Variants in ZNF431 observed in about 807,000 individuals in gnomAD.
ZNF431 encodes the protein zinc finger protein 431.
Under a neutral mutation model 57.0 loss-of-function variants are expected in ZNF431, and 34 were observed. The ratio of observed to expected loss-of-function variants is 0.60; its 90% CI spans 0.45 to 0.79. ZNF431 has a LOEUF of 0.79. ZNF431 is among the 30% of genes least tolerant of loss of function. ZNF431 has a pLI of 0.00. For missense variants in ZNF431, 607 were observed against 667.1 expected (o/e 0.91, Z 0.99); for synonymous variants, 207 against 220.3 (o/e 0.94, Z 0.54).
At chr19:21,175,444 A>C (rs1185418221) in intron 4 of ZNF431, 1 of 696,638 alleles carries the variant, frequency 1.4e-6, no homozygotes, top group East Asian at 2.7e-5. Flanking sequence ...ATTTAATTTT[A>C]TGTTCCAGGA....
chr19:21,173,181 A>G (rs1035808752), intron 4 of ZNF431, among the ~76,000 whole-genome samples: 1 of 152,144 alleles, frequency 6.6e-6, no homozygotes, highest in African/African-American at 2.4e-5. Flanking sequence ...TGATGTGTTT[A>G]TAAATTAAGA....
chr19:21,175,290 A>C (rs1173525515), intron 4 of ZNF431, among the ~76,000 whole-genome samples: 1 of 152,066 alleles, frequency 6.6e-6, no homozygotes, highest in African/African-American at 2.4e-5. Context: ...TCCTGAGTTA[A>C]AGTGATCAGC....
At chr19:21,170,976 C>T (rs993427180) in intron 4 of ZNF431, among the ~76,000 whole-genome samples, 2 of 152,108 alleles carry the variant, frequency 1.3e-5, no homozygotes, top group South Asian at 4.1e-4. Flanking sequence ...CCCGGCCCAA[C>T]ATAATTTATT....
At chr19:21,173,602 T>A (rs1016794688) in intron 4 of ZNF431, among the ~76,000 whole-genome samples, 6 of 152,212 alleles carry the variant, frequency 3.9e-5, no homozygotes, top group Non-Finnish European at 7.3e-5. Context: ...GATGGCTCAC[T>A]GCAACCTCTG....
chr19:21,149,638 C>A, intron 2 of ZNF431: 1 of 398,630 alleles, frequency 2.5e-6, no homozygotes, highest in East Asian at 5.3e-5. Context: ...GAAAACTCAA[C>A]AGTGTACATT....
chr19:21,175,395 T>C (rs1036016146), intron 4 of ZNF431: 5 of 695,010 alleles, frequency 7.2e-6, no homozygotes, highest in African/African-American at 7.0e-5. Flanking sequence ...AAGTTACTAT[T>C]ACCAGTTTTA....
intron 4 of ZNF431, among the ~76,000 whole-genome samples, chr19:21,172,858 T>C (rs1432473807): frequency 6.6e-6 from 1 of 152,214 alleles, no homozygotes; most frequent in Non-Finnish European, 1.5e-5. Flanking sequence ...AAAAGACTTC[T>C]AGAAATTTCA....
chr19:21,150,497 C>G (rs76734149), intron 2 of ZNF431: 1 of 189,180 alleles, frequency 5.3e-6, no homozygotes, highest in Non-Finnish European at 1.1e-5. Flanking sequence ...CTAGTTTCAG[C>G]GTGGAGCCCA....
At chr19:21,150,187 GC>G in intron 2 of ZNF431, 1 of 576,506 alleles carries the variant, frequency 1.7e-6, no homozygotes, top group Non-Finnish European at 3.3e-6. Context: ...GGTGGTCCAG[GC>G]CCTGGGTGAA....
At chr19:21,178,140 A>T (rs1971112469) in intron 4 of ZNF431, among the ~76,000 whole-genome samples, 1 of 152,082 alleles carries the variant, frequency 6.6e-6, no homozygotes, top group African/African-American at 2.4e-5. Flanking sequence ...TGGTGTATTG[A>T]AATGTTTGTG....
intron 4 of ZNF431, chr19:21,175,351 T>G: frequency 1.5e-6 from 1 of 672,502 alleles, no homozygotes; most frequent in Non-Finnish European, 2.7e-6. Context: ...TTAAGTAATT[T>G]AACTAATTTT....
intron 2 of ZNF431, 33 bp downstream of exon 2, chr19:21,143,676 C>A: frequency 6.6e-7 from 1 of 1,526,504 alleles, no homozygotes; most frequent in Non-Finnish European, 9.1e-7. Context: ...TTGTCTACGC[C>A]CAACCCAGCT....
At chr19:21,175,797 T>C (rs375127601) in intron 4 of ZNF431, among the ~76,000 whole-genome samples, 7 of 152,240 alleles carry the variant, frequency 4.6e-5, no homozygotes, top group African/African-American at 1.7e-4. Flanking sequence ...GGTGCATATG[T>C]ACCACATTTT....
At chr19:21,150,207 T>C in intron 2 of ZNF431, 1 of 552,164 alleles carries the variant, frequency 1.8e-6, no homozygotes, top group Non-Finnish European at 3.4e-6. Flanking sequence ...AACTGGTTAA[T>C]CACAGAAAAA....
chr19:21,183,413 A>G lies in ZNF431; in HGVS notation c.1110A>G (p.Lys370=), dbSNP rs1215306242. 1 of 1,613,286 alleles carries G rather than the reference A, an allele frequency of 6.2e-7. No individual in the cohort carries two copies. Among genetic ancestry groups the G allele is most frequent in the Non-Finnish European group, 8.5e-7 (1 of 1,179,672 alleles). The stretch of plus-strand genomic sequence containing the variant: ...ATAAGATAATTCATACTGGAGAAAA[A>G]TCTTACAAATGTGAAGAATGTGGCA... ...TKHKIIHTGE[K]SYKCEECGKG... Residue 370 remains lysine, a synonymous_variant, in exon 5 of 5, where the codon AAA becomes AAG. Coordinates refer to ENST00000311048, the MANE Select transcript of ZNF431 (RefSeq NM_133473.4).
chr19:21,167,797 A>G (rs1970764970), intron 4 of ZNF431, 131 bp downstream of exon 4: 1 of 467,172 alleles, frequency 2.1e-6, no homozygotes, highest in Non-Finnish European at 3.5e-6. Context: ...GGAGGCCTGA[A>G]TATTTTCTTA....
At position 21,167,615 on chromosome 19, in the gene ZNF431, GA is replaced by G; in HGVS notation, c.273del (p.Glu92SerfsTer5). On this transcript the variant is annotated frameshift_variant, in exon 4 of 5. Coordinates refer to ENST00000311048, the MANE Select transcript of ZNF431 (RefSeq NM_133473.4). LOFTEE classifies it high-confidence loss of function. ...AGACCCAGTCACCTGTCTGGAGCAA[GA>G]AAAAGAGCCCTGGAATATGAAGAGA... is the stretch of plus-strand genomic sequence containing the variant. ...KQDPVTCLEQ[E>X]KEPWNMKRHE... is the part of the protein sequence containing the mutation. The G allele has an allele frequency of 1.3e-6, 2 of 1,586,976 alleles. No homozygotes were observed. Among genetic ancestry groups the G allele is most frequent in the Middle Eastern group, 1.7e-4 (1 of 5,886 alleles).
At chr19:21,167,511 A>G (rs1025285190) in intron 3 of ZNF431, 60 bp from the exon 4 acceptor site, 3 of 1,300,306 alleles carry the variant, frequency 2.3e-6, no homozygotes, top group Non-Finnish European at 3.1e-6. Flanking sequence ...TGAGCACAGT[A>G]CTAGGTTAGT....
At position 21,191,516 on chromosome 19, in the gene ZNF431, T is replaced by G. The variant is rs2145080128; in HGVS notation, c.*7482T>G. 1 of 152,264 alleles carries G rather than the reference T, an allele frequency of 6.6e-6. No individual in the cohort carries two copies. Among genetic ancestry groups the G allele is most frequent in the Non-Finnish European group, 1.5e-5 (1 of 68,012 alleles). 9.4% of individuals were successfully genotyped at this position (152,264 alleles called of 1,614,324 possible). ...GGGCTTTTGCTCTATATTTTGGCAG[T>G]AGTAGTTTCAGAGTGTCAGGCCTTA... On this transcript the variant is annotated 3_prime_UTR_variant, in exon 5 of 5. Coordinates refer to ENST00000311048, the MANE Select transcript of ZNF431 (RefSeq NM_133473.4).
Sources: allele counts gnomAD v4.1 joint callset (sites outside exome capture counted in the v4.1 genomes callset), GRCh38; gene constraint gnomAD v4.1.1; transcripts MANE v1.5; gene names NCBI Gene and HGNC (gene_info 2026-07-23, HGNC 2026-07-21).